The following KCNC2 variants were observed in gnomAD, a reference collection of about 807,000 sequenced individuals.
KCNC2 encodes potassium voltage-gated channel subfamily C member 2.
A neutral mutation model predicts 44.5 loss-of-function variants in KCNC2; 21 were observed. The ratio of observed to expected loss-of-function variants is 0.47; its 90% confidence interval spans 0.33 to 0.68. The LOEUF is 0.68. KCNC2 is among the 30% of genes least tolerant of loss of function. The probability of loss-of-function intolerance (pLI) is 0.01; values close to 1 mark genes in which losing one functional copy is unlikely to be tolerated. For missense variants in KCNC2, 589 were observed against 826.2 expected (o/e 0.71, Z 3.52); for synonymous variants, 391 against 339.1 (o/e 1.15, Z -1.68).
Position 75,053,743 on chromosome 12 carries a change from T to C in KCNC2, c.688-2426A>G, listed in dbSNP as rs1217681276. On this transcript the variant is annotated intron_variant, in intron 2 of 4. Coordinates refer to ENST00000549446, the MANE Select transcript of KCNC2 (RefSeq NM_139137.4). ...TTCCTATTATAGTAATATTTTGCTA[T>C]AATATATATTACATAATTTATATAA... Among the ~76,000 whole-genome samples the C allele has an allele frequency of 2.0e-5, 3 of 147,708 alleles. No individual in the cohort carries two copies. The Admixed American group carries it at 2.0e-4, about 10-fold the overall frequency.
intron 2 of KCNC2, among the ~76,000 whole-genome samples, chr12:75,157,677 A>G (rs1486648721): frequency 2.0e-5 from 3 of 151,866 alleles, no homozygotes; most frequent in African/African-American, 7.2e-5. Context: ...CATGTGATGG[A>G]AAAAGCTTTA....
intron 2 of KCNC2, among the ~76,000 whole-genome samples, chr12:75,139,005 A>AAAAAAAAAAAC (rs1889448037): frequency 6.8e-6 from 1 of 147,208 alleles, no homozygotes; most frequent in African/African-American, 2.6e-5. Flanking sequence ...AAAAAAAAAA[A>AAAAAAAAAAAC]ACCAAGAAAG....
intron 2 of KCNC2, among the ~76,000 whole-genome samples, chr12:75,091,680 T>A (rs1290262538): frequency 6.6e-6 from 1 of 151,544 alleles, no homozygotes; most frequent in Admixed American, 6.6e-5. Flanking sequence ...TTAGAATATG[T>A]GGGGAATTTT....
At chr12:75,047,091 T>G (rs980333821) in intron 4 of KCNC2, among the ~76,000 whole-genome samples, 2 of 151,438 alleles carry the variant, frequency 1.3e-5, no homozygotes. Flanking sequence ...AAGTGGATTT[T>G]TATTCAAATT....
At chr12:75,069,284 G>T (rs367691083) in intron 2 of KCNC2, among the ~76,000 whole-genome samples, 1 of 151,414 alleles carries the variant, frequency 6.6e-6, no homozygotes, top group Non-Finnish European at 1.5e-5. Context: ...ACAGGCATGC[G>T]CCACCACGCC....
chr12:75,101,019 A>C (rs1276094984), intron 2 of KCNC2, among the ~76,000 whole-genome samples: 2 of 152,098 alleles, frequency 1.3e-5, no homozygotes, highest in Non-Finnish European at 2.9e-5. Context: ...GTATTGATAA[A>C]TTTAAATTAG....
At chr12:75,164,155 C>A (rs1348513577) in intron 2 of KCNC2, among the ~76,000 whole-genome samples, 1 of 151,624 alleles carries the variant, frequency 6.6e-6, no homozygotes, top group African/African-American at 2.4e-5. Flanking sequence ...AGGATCCGAG[C>A]ATCATTAGCC....
intron 2 of KCNC2, among the ~76,000 whole-genome samples, chr12:75,058,851 A>G (rs1882017608): frequency 6.6e-6 from 1 of 152,074 alleles, no homozygotes; most frequent in Admixed American, 6.6e-5. Flanking sequence ...ACCCACCTGT[A>G]GCTCCAATGA....
rs1191553078 is a variant in KCNC2, at chr12:75,062,835, T to C, written c.688-11518A>G. Among the ~76,000 whole-genome samples the C allele has an allele frequency of 7.3e-5, 11 of 150,800 alleles. No individual in the cohort carries two copies. The Admixed American group carries it at 7.3e-4, about 10-fold the overall frequency. On this transcript the variant is annotated intron_variant, in intron 2 of 4. Transcript: ENST00000549446. The stretch of plus-strand genomic sequence containing the variant: ...ATATTCTCTTGAGCTTGCACAGTGC[T>C]GACTTAGAAGGAAATCCAAAGTGCC...
At chr12:75,113,567 C>T (rs898760127) in intron 2 of KCNC2, among the ~76,000 whole-genome samples, 1 of 152,146 alleles carries the variant, frequency 6.6e-6, no homozygotes, top group Non-Finnish European at 1.5e-5. Context: ...GGCCTGTTAA[C>T]ATGCCCATTC....
intron 2 of KCNC2, among the ~76,000 whole-genome samples, chr12:75,077,071 G>A (rs542667437): frequency 3.5e-4 from 54 of 152,252 alleles, no homozygotes; most frequent in African/African-American, 1.3e-3. Context: ...CTACAGTAAA[G>A]CAGATTAACA....
rs1021854161 is a variant in KCNC2, at chr12:75,157,957, T to C, written c.687+49340A>G. Among the ~76,000 whole-genome samples the C allele has an allele frequency of 2.6e-5, 4 of 151,966 alleles. No individual in the cohort carries two copies. The South Asian group carries it at 8.3e-4, about 31-fold the overall frequency. ...TAAATTAAATGGCCAGGAGTCTTTA[T>C]TGATGTCAAGGCCATTTAAGTCATT... On this transcript the variant is annotated intron_variant, in intron 2 of 4. Transcript: ENST00000549446.
intron 2 of KCNC2, among the ~76,000 whole-genome samples, chr12:75,127,031 G>A (rs1888477073): frequency 6.6e-6 from 1 of 152,110 alleles, no homozygotes; most frequent in African/African-American, 2.4e-5. Flanking sequence ...TCTAGTTAAT[G>A]TATTGTGTAT....
chr12:75,064,247 A>G (rs1189557949), intron 2 of KCNC2, among the ~76,000 whole-genome samples: 1 of 152,054 alleles, frequency 6.6e-6, no homozygotes, highest in African/African-American at 2.4e-5. Flanking sequence ...ACACTACTCT[A>G]AGTTGCTATA....
At chr12:75,107,034 G>T (rs1301644942) in intron 2 of KCNC2, among the ~76,000 whole-genome samples, 1 of 152,048 alleles carries the variant, frequency 6.6e-6, no homozygotes, top group African/African-American at 2.4e-5. Flanking sequence ...GCTGGGCGTG[G>T]TGGCTCACGC....
At chr12:75,203,755 G>A (rs2031478200) in intron 2 of KCNC2, among the ~76,000 whole-genome samples, 1 of 151,808 alleles carries the variant, frequency 6.6e-6, no homozygotes, top group Non-Finnish European at 1.5e-5. Flanking sequence ...AAATATAAGT[G>A]AAAAGAAGAG....
intron 2 of KCNC2, among the ~76,000 whole-genome samples, chr12:75,196,647 G>C (rs2030792391): frequency 6.6e-6 from 1 of 152,016 alleles, no homozygotes; most frequent in Non-Finnish European, 1.5e-5. Context: ...CTGAAGAAAA[G>C]ACAGCAAGCA....
intron 2 of KCNC2, among the ~76,000 whole-genome samples, chr12:75,172,342 G>A (rs965008807): frequency 6.6e-6 from 1 of 151,824 alleles, no homozygotes; most frequent in African/African-American, 2.4e-5. Context: ...TGTTGGAGAA[G>A]GGAGAGCATC....
At chr12:75,099,426 A>T (rs1886193222) in intron 2 of KCNC2, among the ~76,000 whole-genome samples, 2 of 152,184 alleles carry the variant, frequency 1.3e-5, no homozygotes, top group Non-Finnish European at 2.9e-5. Context: ...ATTCTTGACC[A>T]CAGCCCTGTG....
Sources: gnomAD v4.1 joint callset for allele counts (sites outside exome capture counted in the v4.1 genomes callset) on GRCh38, gnomAD v4.1.1 for gene constraint, MANE v1.5 for transcripts, NCBI Gene and HGNC (gene_info 2026-07-23, HGNC 2026-07-21) for gene names.